Variants in DMD observed in about 807,000 individuals in gnomAD.
DMD encodes mutant dystrophin.
Under a neutral mutation model 330.1 loss-of-function variants are expected in DMD, and 63 were observed. The ratio of observed to expected loss-of-function variants is 0.19; its 90% CI spans 0.16 to 0.24. DMD has a LOEUF of 0.24. Among genes scored for constraint, DMD ranks in the 10% least tolerant of loss-of-function variants. The pLI is 1.00. For missense variants in DMD, 3,344 were observed against 2,684.1 expected (o/e 1.25, Z -5.43); for synonymous variants, 1,223 against 959.8 (o/e 1.27, Z -5.07).
chrX:33,102,339 C>T lies in DMD; in HGVS notation c.32-82139G>A, dbSNP rs779968231. On this transcript the variant is annotated intron_variant, in intron 1 of 78. Coordinates refer to ENST00000357033, the MANE Select transcript of DMD (RefSeq NM_004006.3). The stretch of plus-strand genomic sequence containing the variant: ...TTGTTTTTTTTTTTTTTTAAGTATT[C>T]CACTTTAAAAACTCAGGTGTTACAG... 4.8e-5 allele frequency among the ~76,000 whole-genome samples: 5 copies of T among 103,967 alleles called. No homozygotes were observed. In the East Asian group the frequency reaches 1.2e-3, roughly 25 times the overall value. 90.3% of individuals were successfully genotyped at this position (103,967 alleles called of 115,157 possible).
chrX:32,577,718 C>A (rs769531746), intron 13 of DMD, among the ~76,000 whole-genome samples: 52 of 112,215 alleles, frequency 4.6e-4, no homozygotes, highest in Middle Eastern at 4.6e-3. Context: ...AGCATGAACA[C>A]ATATCCTTTA....
chrX:32,612,674 G>T (rs1172858069), intron 12 of DMD, among the ~76,000 whole-genome samples: 1 of 111,486 alleles, frequency 9.0e-6, no homozygotes, highest in Non-Finnish European at 1.9e-5. Context: ...TACGGTTAGA[G>T]AACTAGCACT....
At chrX:32,162,589 G>A (rs1208805573) in intron 44 of DMD, among the ~76,000 whole-genome samples, 1 of 69,721 alleles carries the variant, frequency 1.4e-5, no homozygotes, top group Admixed American at 1.9e-4. Flanking sequence ...GAAGCAACAA[G>A]CTTTTTTTTT....
In DMD at chrX:31,567,300, G is replaced by A. The variant is rs1429527284; in HGVS notation, c.8218-59847C>T. On this transcript the variant is annotated intron_variant, in intron 55 of 78. Coordinates refer to ENST00000357033, the MANE Select transcript of DMD (RefSeq NM_004006.3). Reference sequence around the variant, plus strand: ...GCATCCTTCCCTAATTAGCAATCATGGGTGGAAACATTAAGCCTTCCATTA... The same window carrying A: ...GCATCCTTCCCTAATTAGCAATCATAGGTGGAAACATTAAGCCTTCCATTA... Among the ~76,000 whole-genome samples the A allele has an allele frequency of 2.7e-5, 3 of 111,053 alleles. No individual in the cohort carries two copies. In the Admixed American group the frequency reaches 2.9e-4, roughly 11 times the overall value.
intron 60 of DMD, among the ~76,000 whole-genome samples, chrX:31,424,842 G>A (rs774526656): frequency 4.5e-5 from 5 of 111,962 alleles, no homozygotes; most frequent in African/African-American, 9.7e-5. Context: ...TTACTACAAC[G>A]TTTAACGAAG....
chrX:31,178,077 C>A (rs1236852971), intron 70 of DMD, 107 bp from the exon 71 acceptor site: 1 of 1,085,049 alleles, frequency 9.2e-7, no homozygotes. Context: ...AAGTATGAAC[C>A]ATGGAAAGCA....
chrX:31,594,277 C>G (rs760142906), intron 55 of DMD, among the ~76,000 whole-genome samples: 3 of 110,506 alleles, frequency 2.7e-5, no homozygotes, highest in African/African-American at 9.8e-5. Context: ...CCCCGCCCCC[C>G]ATTTTGAGAA....
chrX:32,907,665 G>C (rs555227781), intron 2 of DMD, among the ~76,000 whole-genome samples: 1 of 111,720 alleles, frequency 9.0e-6, no homozygotes, highest in Admixed American at 9.5e-5. Flanking sequence ...TGGGTAACGA[G>C]ATCACTAAGG....
At chrX:32,357,660 T>TAC (rs3044986) in intron 37 of DMD, among the ~76,000 whole-genome samples, 3,008 of 94,814 alleles carry the variant, frequency 0.032, 31 homozygotes, top group Middle Eastern at 0.046. Flanking sequence ...CATACACAGA[T>TAC]ACACACACAC....
At chrX:32,323,689 G>C (rs1402897992) in intron 41 of DMD, among the ~76,000 whole-genome samples, 2 of 111,354 alleles carry the variant, frequency 1.8e-5, no homozygotes, top group Non-Finnish European at 3.8e-5. Flanking sequence ...TAAAATGATA[G>C]TACAAAGTAT....
intron 60 of DMD, among the ~76,000 whole-genome samples, chrX:31,386,852 G>A (rs989924641): frequency 1.8e-5 from 2 of 111,584 alleles, no homozygotes; most frequent in Non-Finnish European, 3.8e-5. Context: ...CTTCATTCTA[G>A]ACACATATAC....
chrX:32,206,166 A>G, intron 44 of DMD: 1 of 513,543 alleles, frequency 1.9e-6, no homozygotes, highest in East Asian at 3.7e-5. Context: ...GGGCTTTGAA[A>G]TAACACCATC....
chrX:31,467,795 T>C (rs967793264), intron 59 of DMD, among the ~76,000 whole-genome samples: 4 of 111,841 alleles, frequency 3.6e-5, no homozygotes, highest in African/African-American at 1.3e-4. Flanking sequence ...CATCTGTTCC[T>C]GGGCTTTTTT....
At position 33,170,492 on chromosome X, in the gene DMD, C is replaced by T. The variant is rs141919399; in HGVS notation, c.31+40790G>A. ...TAGCTATGAGCAATAGAACTATGATCCAAGCCACATAGGTAATTTTAATTT... is the reference window on the plus strand; with the variant it reads ...TAGCTATGAGCAATAGAACTATGATTCAAGCCACATAGGTAATTTTAATTT... On this transcript the variant is annotated intron_variant, in intron 1 of 78. Transcript: ENST00000357033. Among the ~76,000 whole-genome samples the T allele has an allele frequency of 9.7e-3, 1,072 of 111,073 alleles. 12 individuals are homozygous for T. The highest frequency in any genetic ancestry group is 0.015 in the Non-Finnish European group (809 of 52,649).
At chrX:32,358,866 A>C (rs2147184410) in intron 37 of DMD, among the ~76,000 whole-genome samples, 1 of 111,773 alleles carries the variant, frequency 8.9e-6, no homozygotes, top group South Asian at 3.7e-4. Context: ...ATTATTTTTA[A>C]CCATTTCATA....
chrX:32,553,061 T>A (rs1320197865), intron 16 of DMD, among the ~76,000 whole-genome samples: 5 of 111,738 alleles, frequency 4.5e-5, no homozygotes, highest in African/African-American at 1.6e-4. Flanking sequence ...CAATAACAAT[T>A]ATTGGGTATA....
intron 2 of DMD, among the ~76,000 whole-genome samples, chrX:32,917,164 C>A (rs1422562384): frequency 2.0e-5 from 2 of 101,377 alleles, no homozygotes; most frequent in Admixed American, 2.1e-4. Flanking sequence ...GCACTTCCCC[C>A]CCCCCCACAT....
intron 55 of DMD, among the ~76,000 whole-genome samples, chrX:31,575,649 G>A (rs1007403755): frequency 8.9e-5 from 10 of 111,932 alleles, no homozygotes; most frequent in Admixed American, 7.6e-4. Flanking sequence ...GTAAGTAAGT[G>A]CCAAGCTTAT....
At chrX:31,957,386 G>A (rs2150129318) in intron 45 of DMD, among the ~76,000 whole-genome samples, 1 of 111,931 alleles carries the variant, frequency 8.9e-6, no homozygotes, top group South Asian at 3.7e-4. Context: ...TAATCTAGGA[G>A]CTAAAAACAT....
Sources: allele counts gnomAD v4.1 joint callset (sites outside exome capture counted in the v4.1 genomes callset), GRCh38; gene constraint gnomAD v4.1.1; transcripts MANE v1.5; gene names NCBI Gene and HGNC (gene_info 2026-07-23, HGNC 2026-07-21).